The following THSD4 variants were observed in gnomAD, a reference collection of about 807,000 sequenced individuals.
THSD4 encodes the protein thrombospondin type 1 domain containing 4.
A neutral mutation model predicts 119.0 loss-of-function variants in THSD4; 69 were observed. The ratio of observed to expected loss-of-function variants is 0.58; its 90% CI spans 0.48 to 0.71. The LOEUF (loss-of-function observed/expected upper bound fraction) is 0.71, where lower values mean the gene tolerates loss of function less well. Ranked by LOEUF, THSD4 falls within the 30% of genes least tolerant of loss-of-function variation. THSD4 has a pLI of 0.00. For missense variants in THSD4, 1,393 were observed against 1,391.1 expected (o/e 1.00, Z -0.02); for synonymous variants, 524 against 540.4 (o/e 0.97, Z 0.42).
chr15:71,194,867 G>C (rs1043054586), intron 3 of THSD4, among the ~76,000 whole-genome samples: 1 of 152,134 alleles, frequency 6.6e-6, no homozygotes, highest in African/African-American at 2.4e-5. Flanking sequence ...TATACCTTGT[G>C]GGATGTTACA....
intron 6 of THSD4, among the ~76,000 whole-genome samples, chr15:71,259,006 G>A (rs2044357050): frequency 6.6e-6 from 1 of 152,074 alleles, no homozygotes; most frequent in African/African-American, 2.4e-5. Context: ...CCAGCTACTT[G>A]GGAGGCTGAG....
chr15:71,451,377 T>C (rs1256422939), intron 7 of THSD4, among the ~76,000 whole-genome samples: 1 of 152,198 alleles, frequency 6.6e-6, no homozygotes, highest in Non-Finnish European at 1.5e-5. Flanking sequence ...ACTCCTGTGA[T>C]CCCAGTTAAT....
intron 7 of THSD4, among the ~76,000 whole-genome samples, chr15:71,494,787 A>G (rs967658903): frequency 6.6e-6 from 1 of 152,214 alleles, no homozygotes; most frequent in Non-Finnish European, 1.5e-5. Flanking sequence ...CTGGTTATTA[A>G]AAGATCCCAG....
Position 71,341,485 on chromosome 15 carries a change from C to T in THSD4, c.1016-70202C>T, listed in dbSNP as rs771010306. ...TGGGCCACCGACCTTGTGTCCAGCC[C>T]CACTGCTTGGCCTGCGCACACCTGC... On this transcript the variant is annotated intron_variant, in intron 6 of 17. Coordinates refer to ENST00000261862, the MANE Select transcript of THSD4 (RefSeq NM_024817.3). 1.9e-6 allele frequency: 3 copies of T among 1,613,336 alleles called. No individual in the cohort carries two copies. In the East Asian group the frequency reaches 6.7e-5, roughly 36 times the overall value.
At chr15:71,646,605 T>A (rs1302280494) in intron 7 of THSD4, among the ~76,000 whole-genome samples, 1 of 152,244 alleles carries the variant, frequency 6.6e-6, no homozygotes, top group African/African-American at 2.4e-5. Context: ...TTGAGTTCCT[T>A]CCATGTGTCA....
Position 71,220,195 on chromosome 15 carries a change from G to C in THSD4, c.464+4796G>C, listed in dbSNP as rs74661176. The stretch of plus-strand genomic sequence containing the variant: ...ACTGCCCACTCTGGGAGATGGTAGA[G>C]ATACGACCAGGGTTCAGGAAGAAGG... On this transcript the variant is annotated intron_variant, in intron 4 of 17. Coordinates refer to ENST00000261862, the MANE Select transcript of THSD4 (RefSeq NM_024817.3). Among the ~76,000 whole-genome samples the C allele has an allele frequency of 4.6e-3, 698 of 152,318 alleles. 23 individuals carry two copies. Among genetic ancestry groups the C allele is most frequent in the East Asian group, 0.036 (184 of 5,176 alleles).
chr15:71,122,320 G>A (rs1016448625), intron 1 of THSD4, among the ~76,000 whole-genome samples: 1 of 152,134 alleles, frequency 6.6e-6, no homozygotes, highest in Non-Finnish European at 1.5e-5. Flanking sequence ...GAAAACTGAG[G>A]CTCAGAGAGG....
chr15:71,516,018 C>T (rs1272028899), intron 7 of THSD4, among the ~76,000 whole-genome samples: 1 of 152,144 alleles, frequency 6.6e-6, no homozygotes, highest in Admixed American at 6.5e-5. Context: ...GAGCACTTAT[C>T]CTGGGCATGC....
At chr15:71,243,141 C>T (rs750326253) in intron 5 of THSD4, 45 bp downstream of exon 5, 13 of 1,554,992 alleles carry the variant, frequency 8.4e-6, no homozygotes, top group African/African-American at 1.4e-5. Flanking sequence ...AGCTGCCCCT[C>T]GTTTTTCTGT....
chr15:71,666,150 C>T (rs1172790897), intron 8 of THSD4, among the ~76,000 whole-genome samples: 1 of 152,056 alleles, frequency 6.6e-6, no homozygotes, highest in African/African-American at 2.4e-5. Flanking sequence ...GAATGTTTTT[C>T]CATTTGTTTA....
intron 7 of THSD4, among the ~76,000 whole-genome samples, chr15:71,474,019 G>A (rs1195301223): frequency 6.6e-6 from 1 of 152,100 alleles, no homozygotes; most frequent in Non-Finnish European, 1.5e-5. Context: ...CATGTGGATC[G>A]CAGGTCAGGT....
intron 6 of THSD4, among the ~76,000 whole-genome samples, chr15:71,378,383 T>C (rs928096606): frequency 6.6e-6 from 1 of 152,212 alleles, no homozygotes; most frequent in East Asian, 1.9e-4. Context: ...AGTAGATGGC[T>C]AGCCAGCTTC....
At chr15:71,566,869 C>T (rs1321362128) in intron 7 of THSD4, among the ~76,000 whole-genome samples, 3 of 151,836 alleles carry the variant, frequency 2.0e-5, no homozygotes, top group Admixed American at 6.6e-5. Flanking sequence ...AACTGGGATT[C>T]TTTGAAAAAC....
chr15:71,281,796 G>T (rs7182305), intron 6 of THSD4, among the ~76,000 whole-genome samples: 115,903 of 152,168 alleles, frequency 0.76, 44,365 homozygotes, highest in East Asian at 0.85. Flanking sequence ...TAATTATAGA[G>T]TTGGTTTTTT....
intron 6 of THSD4, among the ~76,000 whole-genome samples, chr15:71,352,562 C>T (rs988801922): frequency 6.6e-6 from 1 of 152,080 alleles, no homozygotes; most frequent in Non-Finnish European, 1.5e-5. Flanking sequence ...CTTATAGACA[C>T]CCTAGGACTT....
At chr15:71,714,522 C>G (rs2052570461) in intron 8 of THSD4, among the ~76,000 whole-genome samples, 1 of 152,082 alleles carries the variant, frequency 6.6e-6, no homozygotes, top group Admixed American at 6.5e-5. Context: ...TAAAAGGATG[C>G]TGAAGTTTTG....
intron 4 of THSD4, among the ~76,000 whole-genome samples, chr15:71,230,682 A>G (rs990548432): frequency 3.9e-5 from 6 of 152,100 alleles, no homozygotes; most frequent in African/African-American, 1.2e-4. Context: ...CTACCATCCT[A>G]TGTTACCACC....
chr15:71,496,912 G>T (rs147062097), intron 7 of THSD4, among the ~76,000 whole-genome samples: 1 of 152,144 alleles, frequency 6.6e-6, no homozygotes, highest in Non-Finnish European at 1.5e-5. Context: ...GAGATCAACC[G>T]CTCCAGGAGC....
chr15:71,408,860 A>G (rs112134044), intron 6 of THSD4, among the ~76,000 whole-genome samples: 3 of 152,226 alleles, frequency 2.0e-5, no homozygotes, highest in African/African-American at 7.2e-5. Context: ...TCACACAGAC[A>G]CAAGGGTTGG....
Sources: allele counts gnomAD v4.1 joint callset (sites outside exome capture counted in the v4.1 genomes callset), GRCh38; gene constraint gnomAD v4.1.1; transcripts MANE v1.5; gene names NCBI Gene and HGNC (gene_info 2026-07-23, HGNC 2026-07-21).